Variants in PDE1A observed in about 807,000 individuals in gnomAD.
The protein encoded by PDE1A is dual specificity calcium/calmodulin-dependent 3',5'-cyclic nucleotide phosphodiesterase 1A.
Under a neutral mutation model 61.7 loss-of-function variants are expected in PDE1A, and 35 were observed. The ratio of observed to expected loss-of-function variants is 0.57; its 90% confidence interval spans 0.43 to 0.75. The LOEUF is 0.75. PDE1A is among the 30% of genes least tolerant of loss of function. The pLI is 0.00. For synonymous variants in PDE1A, 232 were observed against 213.2 expected (o/e 1.09, Z -0.77); for missense variants, 597 against 630.6 (o/e 0.95, Z 0.57).
intron 1 of PDE1A, among the ~76,000 whole-genome samples, chr2:182,386,168 G>A (rs1050914150): frequency 4.6e-5 from 7 of 152,182 alleles, no homozygotes; most frequent in South Asian, 2.1e-4. Context: ...CCAGGCTGGA[G>A]TGCAGTGGCG....
At chr2:182,526,676 A>T (rs1690777902), upstream of PDE1A, among the ~76,000 whole-genome samples, 1 of 152,226 alleles carries the variant, frequency 6.6e-6, no homozygotes, top group Admixed American at 6.5e-5. Flanking sequence ...AAACAGCAAA[A>T]CTTAAAATGA....
At chr2:182,206,448 G>GTGTT (rs1161406861) in intron 7 of PDE1A, among the ~76,000 whole-genome samples, 1 of 152,108 alleles carries the variant, frequency 6.6e-6, no homozygotes. Context: ...TTCACTCTTG[G>GTGTT]TGTTGTACAT....
At chr2:182,527,325 AAAATATATATAT>A (rs1487764723), upstream of PDE1A, among the ~76,000 whole-genome samples, 25 of 38,102 alleles carry the variant, frequency 6.6e-4, no homozygotes, top group Non-Finnish European at 8.8e-4. Flanking sequence ...AAAAAAAAAA[AAAATATATATAT>A]ATATATATAT....
At chr2:182,715,779 C>T in the PDE1A span, among the ~76,000 whole-genome samples, 1 of 152,196 alleles carries the variant, frequency 6.6e-6, no homozygotes, top group Non-Finnish European at 1.5e-5. Flanking sequence ...TTCAAGTTTC[C>T]TACTGCCTCT....
At chr2:182,140,602 C>T (rs963675265) in exon 15 of PDE1A, 11 of 152,218 alleles carry the variant, frequency 7.2e-5, no homozygotes, top group Admixed American at 3.9e-4. Context: ...AAAGAGGTTT[C>T]GGTTAAATGA....
the PDE1A span, among the ~76,000 whole-genome samples, chr2:182,535,936 T>C: frequency 1.3e-5 from 2 of 152,212 alleles, no homozygotes; most frequent in African/African-American, 4.8e-5. Flanking sequence ...TCCTTTCTTA[T>C]TATAAACAGT....
chr2:182,298,290 C>T (rs1046592761), intron 1 of PDE1A, among the ~76,000 whole-genome samples: 2 of 152,128 alleles, frequency 1.3e-5, no homozygotes, highest in Admixed American at 1.3e-4. Flanking sequence ...AAGAAAATGA[C>T]AGTATCAGTT....
At chr2:182,565,029 G>T in the PDE1A span, among the ~76,000 whole-genome samples, 3 of 151,938 alleles carry the variant, frequency 2.0e-5, no homozygotes, top group Admixed American at 1.3e-4. Flanking sequence ...TAGTTTGTTC[G>T]TCTGAAGCCT....
chr2:182,512,210 T>C (rs1239729835), intron 2 of PDE1A, among the ~76,000 whole-genome samples: 2 of 152,180 alleles, frequency 1.3e-5, no homozygotes, highest in Non-Finnish European at 2.9e-5. Flanking sequence ...CAGAATGTTG[T>C]TGCCAGTGAA....
the PDE1A span, among the ~76,000 whole-genome samples, chr2:182,715,587 T>C: frequency 9.2e-5 from 14 of 152,274 alleles, no homozygotes; most frequent in East Asian, 2.7e-3. Context: ...ACTTCAATTG[T>C]TATATTGCTG....
chr2:182,494,366 T>A (rs1688582290), intron 2 of PDE1A, among the ~76,000 whole-genome samples: 1 of 151,992 alleles, frequency 6.6e-6, no homozygotes, highest in Non-Finnish European at 1.5e-5. Flanking sequence ...ATACCTTCTG[T>A]TACTTAATAT....
At chr2:182,573,964 T>TA in the PDE1A span, among the ~76,000 whole-genome samples, 2 of 90,258 alleles carry the variant, frequency 2.2e-5, no homozygotes, top group African/African-American at 6.7e-5. Context: ...TATTTATATA[T>TA]TTTTTTATAC....
intron 2 of PDE1A, among the ~76,000 whole-genome samples, chr2:182,461,453 A>G (rs778590705): frequency 9.2e-5 from 14 of 152,110 alleles, no homozygotes; most frequent in Non-Finnish European, 1.8e-4. Context: ...TGACTCTCCC[A>G]TCTCTCTCCC....
intron 2 of PDE1A, among the ~76,000 whole-genome samples, chr2:182,459,757 G>C (rs1352377700): frequency 6.6e-6 from 1 of 152,072 alleles, no homozygotes; most frequent in African/African-American, 2.4e-5. Context: ...CTACAAAGGG[G>C]GTAGAATGTG....
At chr2:182,627,323 T>TAC in the PDE1A span, among the ~76,000 whole-genome samples, 3 of 81,618 alleles carry the variant, frequency 3.7e-5, no homozygotes, top group Non-Finnish European at 7.0e-5. Flanking sequence ...ATATATATTA[T>TAC]ATATATAAAT....
intron 10 of PDE1A, among the ~76,000 whole-genome samples, chr2:182,199,547 T>C (rs904796773): frequency 6.6e-6 from 1 of 152,106 alleles, no homozygotes; most frequent in Non-Finnish European, 1.5e-5. Flanking sequence ...AATTTCTTCT[T>C]AACCTGAAAA....
intron 1 of PDE1A, among the ~76,000 whole-genome samples, chr2:182,366,332 G>A (rs1395938911): frequency 6.6e-6 from 1 of 151,958 alleles, no homozygotes; most frequent in Non-Finnish European, 1.5e-5. Context: ...AAAGGAGATA[G>A]AATGAGAAAC....
At chr2:182,302,648 A>C (rs537269777) in intron 1 of PDE1A, among the ~76,000 whole-genome samples, 36 of 152,258 alleles carry the variant, frequency 2.4e-4, no homozygotes, top group African/African-American at 8.2e-4. Flanking sequence ...ATAAGGCAAC[A>C]ATCAAGTTTG....
chr2:182,644,046 C>T, the PDE1A span, among the ~76,000 whole-genome samples: 2 of 150,318 alleles, frequency 1.3e-5, no homozygotes, highest in African/African-American at 4.9e-5. Context: ...TACAGTTTGC[C>T]TCAAGTGAGT....
Sources: gnomAD v4.1 joint callset for allele counts (sites outside exome capture counted in the v4.1 genomes callset) on GRCh38, gnomAD v4.1.1 for gene constraint, MANE v1.5 for transcripts, NCBI Gene and HGNC (gene_info 2026-07-23, HGNC 2026-07-21) for gene names.